PRKN: variants seen among roughly 807,000 people sequenced by gnomAD.
PRKN encodes parkin RBR E3 ubiquitin protein ligase.
PRKN carries 56 observed loss-of-function variants against 59.5 expected under a neutral mutation model. The ratio of observed to expected loss-of-function variants is 0.94; its 90% CI spans 0.76 to 1.18. The LOEUF is 1.18. PRKN is among the 50% of genes most tolerant of loss of function. The pLI, the probability that PRKN is intolerant of heterozygous loss-of-function variation, is 0.00. For synonymous variants in PRKN, 250 were observed against 222.1 expected, an observed-to-expected ratio of 1.13 and a Z score of -1.12; for missense variants, 657 against 596.4, an observed-to-expected ratio of 1.10 and a Z score of -1.06.
chr6:161,411,058 A>G (rs980760730), intron 9 of PRKN, among the ~76,000 whole-genome samples: 3 of 152,138 alleles, frequency 2.0e-5, no homozygotes, highest in African/African-American at 7.2e-5. Context: ...GCGGTGATAT[A>G]AACCAGTGCA....
chr6:161,871,895 C>T (rs6937081), intron 6 of PRKN, among the ~76,000 whole-genome samples: 79,166 of 152,068 alleles, frequency 0.52, 21,224 homozygotes, highest in Middle Eastern at 0.62. Context: ...TGAACGGCTC[C>T]AGCATTCACT....
chr6:161,412,621 C>G (rs961224614), intron 9 of PRKN, among the ~76,000 whole-genome samples: 6 of 149,832 alleles, frequency 4.0e-5, no homozygotes, highest in Admixed American at 3.3e-4. Flanking sequence ...CCTCCACTCA[C>G]TCATTCCTCG....
At chr6:162,378,542 GGCATGATTATTCAA>G (rs1401259194) in intron 2 of PRKN, among the ~76,000 whole-genome samples, 1 of 152,206 alleles carries the variant, frequency 6.6e-6, no homozygotes, top group Non-Finnish European at 1.5e-5. Context: ...TTTATTTTAA[GGCATGATTATTCAA>G]GCTTTCGTCT....
chr6:162,344,551 C>T (rs1454450803), intron 2 of PRKN, among the ~76,000 whole-genome samples: 1 of 152,014 alleles, frequency 6.6e-6, no homozygotes, highest in South Asian at 2.1e-4. Context: ...ACTGCCCTCA[C>T]AGCTGGGTCA....
intron 2 of PRKN, among the ~76,000 whole-genome samples, chr6:162,385,020 G>T (rs1385702356): frequency 6.6e-6 from 1 of 152,028 alleles, no homozygotes; most frequent in Non-Finnish European, 1.5e-5. Context: ...AGTAGTTTTA[G>T]ACATAGTATT....
intron 4 of PRKN, among the ~76,000 whole-genome samples, chr6:162,145,766 C>G (rs1321493936): frequency 6.6e-6 from 1 of 152,130 alleles, no homozygotes; most frequent in African/African-American, 2.4e-5. Context: ...AGCTTGGCTG[C>G]AGAAAGCAAC....
intron 6 of PRKN, among the ~76,000 whole-genome samples, chr6:161,801,601 G>C (rs1054776397): frequency 9.9e-5 from 15 of 152,174 alleles, no homozygotes; most frequent in African/African-American, 2.7e-4. Context: ...ACAACCTAGA[G>C]TCCACGACTT....
intron 1 of PRKN, among the ~76,000 whole-genome samples, chr6:162,584,118 CA>C (rs1780901725): frequency 6.6e-6 from 1 of 151,122 alleles, no homozygotes; most frequent in African/African-American, 2.4e-5. Context: ...GAGGCTGAGG[CA>C]GGAGAATGGT....
chr6:162,553,542 C>CAAAAA lies in PRKN; in HGVS notation c.8-110074_8-110070dup, dbSNP rs57807120. On this transcript the variant is annotated intron_variant, in intron 1 of 11. Transcript: ENST00000366898. ...CTCGGTTTACCCAAATGTTTACTAC[C>CAAAAA]AAAAAAAAAAAAAAACACCCTAAAG... Among the ~76,000 whole-genome samples, 15 of 114,538 alleles carry CAAAAA rather than the reference C, an allele frequency of 1.3e-4. No individual in the cohort carries two copies. In the East Asian group the frequency reaches 1.6e-3, roughly 12 times the overall value. The allele number at this position is 114,538 out of a possible 152,430, so 75.1% of individuals were successfully genotyped here.
chr6:162,225,522 T>C (rs1778132851), intron 3 of PRKN, among the ~76,000 whole-genome samples: 1 of 152,140 alleles, frequency 6.6e-6, no homozygotes, highest in Non-Finnish European at 1.5e-5. Flanking sequence ...TAAGTTAATC[T>C]AACCTTCTTT....
intron 7 of PRKN, among the ~76,000 whole-genome samples, chr6:161,695,349 T>A (rs2128177076): frequency 6.6e-6 from 1 of 152,208 alleles, no homozygotes; most frequent in Admixed American, 6.5e-5. Context: ...GAGAAAGCAG[T>A]TTTGATCTAA....
intron 1 of PRKN, among the ~76,000 whole-genome samples, chr6:162,628,332 G>C (rs1444010637): frequency 3.3e-5 from 5 of 152,102 alleles, no homozygotes; most frequent in African/African-American, 1.2e-4. Context: ...ATAATTGTGA[G>C]GCAAAGTAAG....
At chr6:162,720,327 G>T (rs1778885535) in intron 1 of PRKN, among the ~76,000 whole-genome samples, 1 of 151,972 alleles carries the variant, frequency 6.6e-6, no homozygotes, top group African/African-American at 2.4e-5. Context: ...GGGCTCTCAT[G>T]TGAAACTTTA....
chr6:162,255,118 AAAATAAAAT>A (rs1779592690), intron 3 of PRKN, among the ~76,000 whole-genome samples: 1 of 151,266 alleles, frequency 6.6e-6, no homozygotes, highest in South Asian at 2.1e-4. Context: ...AAAATAAAAT[AAAATAAAAT>A]AAAAACCCTG....
chr6:161,543,599 C>G (rs191663025), intron 9 of PRKN, among the ~76,000 whole-genome samples: 27 of 152,252 alleles, frequency 1.8e-4, no homozygotes, highest in Admixed American at 1.7e-3. Flanking sequence ...AACTTATGGT[C>G]ACTAATATGA....
intron 7 of PRKN, among the ~76,000 whole-genome samples, chr6:161,666,561 C>A (rs1784734109): frequency 6.6e-6 from 1 of 152,104 alleles, no homozygotes. Flanking sequence ...CTCACCACTA[C>A]TTATTGATTT....
intron 4 of PRKN, among the ~76,000 whole-genome samples, chr6:162,076,363 CA>C (rs1212141394): frequency 7.3e-6 from 1 of 136,840 alleles, no homozygotes; most frequent in African/African-American, 2.5e-5. Context: ...CAAAGACATA[CA>C]TATTTTTTAA....
At chr6:161,993,507 C>G (rs1277927728) in intron 5 of PRKN, among the ~76,000 whole-genome samples, 1 of 152,146 alleles carries the variant, frequency 6.6e-6, no homozygotes, top group African/African-American at 2.4e-5. Flanking sequence ...CTGCAGAATT[C>G]TATCAAATTT....
rs762147356 is a variant in PRKN, at chr6:161,466,077, T to C, written c.1084-79200A>G. Reference sequence around the variant, plus strand: ...ATAGTTATCTTTGTGTGTGTGTGTGTGTGTGTCTGTGTGGGGAGGACACTT... The same window carrying C: ...ATAGTTATCTTTGTGTGTGTGTGTGCGTGTGTCTGTGTGGGGAGGACACTT... On this transcript the variant is annotated intron_variant, in intron 9 of 11. Transcript: ENST00000366898. The surrounding 1 kb of genome is among the most constrained non-coding windows in gnomAD (Gnocchi z 5.0). Among the ~76,000 whole-genome samples, 2 of 152,198 alleles carry C rather than the reference T, an allele frequency of 1.3e-5. No individual in the cohort carries two copies. Among genetic ancestry groups the C allele is most frequent in the Non-Finnish European group, 2.9e-5 (2 of 68,034 alleles).
Sources: gnomAD v4.1 joint callset for allele counts (sites outside exome capture counted in the v4.1 genomes callset) on GRCh38, gnomAD v4.1.1 for gene constraint, Gnocchi (gnomAD v3.1) non-coding constraint, MANE v1.5 for transcripts, NCBI Gene and HGNC (gene_info 2026-07-23, HGNC 2026-07-21) for gene names.